Variants in PARD3 observed in about 807,000 individuals in gnomAD.
The protein encoded by PARD3 is partitioning defective 3 homolog.
In PARD3, 75 loss-of-function variants were observed where a neutral mutation model predicts 155.4. The observed-to-expected ratio is 0.48, with a 90% CI of 0.40 to 0.58. PARD3 has a LOEUF of 0.58. Ranked by LOEUF, PARD3 falls within the 20% of genes least tolerant of loss-of-function variation. The pLI is 0.00. For synonymous variants in PARD3, 576 were observed against 610.5 expected, an observed-to-expected ratio of 0.94 and a Z score of 0.83; for missense variants, 1,642 against 1,721.7, an observed-to-expected ratio of 0.95 and a Z score of 0.82.
chr10:34,648,761 T>G (rs1321889858), intron 2 of PARD3, among the ~76,000 whole-genome samples: 1 of 152,188 alleles, frequency 6.6e-6, no homozygotes, highest in African/African-American at 2.4e-5. Context: ...GGACCCCTGA[T>G]ATAAACAATA....
intron 1 of PARD3, among the ~76,000 whole-genome samples, chr10:34,760,141 G>A (rs1837253763): frequency 6.6e-6 from 1 of 152,140 alleles, no homozygotes; most frequent in Non-Finnish European, 1.5e-5. Context: ...TTATGTCTCT[G>A]TGTAAACCCC....
At chr10:34,805,002 G>C (rs1843190539) in intron 1 of PARD3, among the ~76,000 whole-genome samples, 1 of 152,168 alleles carries the variant, frequency 6.6e-6, no homozygotes, top group Non-Finnish European at 1.5e-5. Context: ...GAGGCTTTTT[G>C]AAATATATAA....
intron 20 of PARD3, among the ~76,000 whole-genome samples, chr10:34,309,763 C>CG (rs1554827562): frequency 4.8e-5 from 6 of 125,112 alleles, no homozygotes; most frequent in African/African-American, 8.9e-5. Flanking sequence ...CCCCCGCCCC[C>CG]CCAAGAAGAA....
chr10:34,235,520 T>C (rs560652653), intron 22 of PARD3, among the ~76,000 whole-genome samples: 1 of 152,254 alleles, frequency 6.6e-6, no homozygotes, highest in Non-Finnish European at 1.5e-5. Context: ...AATTGGTGGC[T>C]ATTTGTGGAT....
chr10:34,814,250 C>T (rs1036919672), intron 1 of PARD3, among the ~76,000 whole-genome samples: 1 of 152,184 alleles, frequency 6.6e-6, no homozygotes, highest in African/African-American at 2.4e-5. Flanking sequence ...CCTCCCCGAC[C>T]CCAAGCCGGC....
chr10:34,690,492 A>G (rs955389721), intron 2 of PARD3, among the ~76,000 whole-genome samples: 2 of 152,190 alleles, frequency 1.3e-5, no homozygotes, highest in African/African-American at 4.8e-5. Context: ...TTGGTACTGC[A>G]TAACCCTTCA....
At chr10:34,792,510 AAAGATTAAAAACAC>A (rs1174713721) in intron 1 of PARD3, among the ~76,000 whole-genome samples, 1 of 152,234 alleles carries the variant, frequency 6.6e-6, no homozygotes, top group Non-Finnish European at 1.5e-5. Context: ...TTTAATTATA[AAAGATTAAAAACAC>A]CCAGAGTCAC....
intron 23 of PARD3, among the ~76,000 whole-genome samples, chr10:34,130,455 A>G (rs1947547671): frequency 6.6e-6 from 1 of 152,200 alleles, no homozygotes. Context: ...TCAAATTACC[A>G]TGCTGCCTGG....
intron 1 of PARD3, among the ~76,000 whole-genome samples, chr10:34,709,509 C>T (rs1014639996): frequency 3.3e-5 from 5 of 152,168 alleles, no homozygotes; most frequent in African/African-American, 9.7e-5. Context: ...GGAACTGGTA[C>T]AAAGATTTGT....
intron 14 of PARD3, among the ~76,000 whole-genome samples, chr10:34,353,151 C>T (rs61842493): frequency 0.016 from 2,462 of 152,198 alleles, 25 homozygotes; most frequent in Non-Finnish European, 0.024. Flanking sequence ...CCCGCCCGGC[C>T]AGCCGCCCCG....
chr10:34,508,126 C>G (rs910605340), intron 3 of PARD3, among the ~76,000 whole-genome samples: 1 of 152,004 alleles, frequency 6.6e-6, no homozygotes, highest in African/African-American at 2.4e-5. Flanking sequence ...TACAAGCTTT[C>G]TATAACAATT....
intron 2 of PARD3, among the ~76,000 whole-genome samples, chr10:34,526,273 G>A (rs2082476569): frequency 6.6e-6 from 1 of 151,954 alleles, no homozygotes; most frequent in African/African-American, 2.4e-5. Flanking sequence ...GCAAGCAACT[G>A]GGGGTGAAAT....
intron 2 of PARD3, among the ~76,000 whole-genome samples, chr10:34,621,146 T>A (rs2091645578): frequency 6.6e-6 from 1 of 152,226 alleles, no homozygotes; most frequent in Non-Finnish European, 1.5e-5. Context: ...GCAGGACACA[T>A]GAAAGAATCA....
intron 1 of PARD3, among the ~76,000 whole-genome samples, chr10:34,734,529 G>A (rs1371351782): frequency 2.0e-5 from 3 of 151,664 alleles, no homozygotes; most frequent in African/African-American, 4.8e-5. Flanking sequence ...TAGTAGAGAC[G>A]GGGTTTCACT....
At chr10:34,498,278 G>A (rs1017855452) in intron 3 of PARD3, among the ~76,000 whole-genome samples, 1 of 152,106 alleles carries the variant, frequency 6.6e-6, no homozygotes, top group Non-Finnish European at 1.5e-5. Context: ...AAAGTCTGAG[G>A]GAGATGCATA....
intron 20 of PARD3, among the ~76,000 whole-genome samples, chr10:34,294,480 T>G (rs2133984810): frequency 6.6e-6 from 1 of 152,352 alleles, no homozygotes; most frequent in Admixed American, 6.5e-5. Context: ...AGATTAAAGC[T>G]TCCCTAAAGA....
intron 12 of PARD3, among the ~76,000 whole-genome samples, chr10:34,366,300 T>C (rs1839960940): frequency 6.6e-6 from 1 of 152,230 alleles, no homozygotes; most frequent in Admixed American, 6.5e-5. Context: ...GTGTTAATTA[T>C]TTTGCCCAAC....
chr10:34,326,125 T>TAAAAA (rs979390862), intron 19 of PARD3, among the ~76,000 whole-genome samples: 3 of 108,882 alleles, frequency 2.8e-5, no homozygotes, highest in Admixed American at 9.7e-5. Flanking sequence ...ACACTCTTTC[T>TAAAAA]AAAAAAAAAA....
intron 6 of PARD3, among the ~76,000 whole-genome samples, 171 bp downstream of exon 6, chr10:34,401,655 T>C (rs946071586): frequency 1.1e-4 from 17 of 152,186 alleles, no homozygotes; most frequent in Non-Finnish European, 2.2e-4. Context: ...CTGCTTACAT[T>C]ACATAATTAA....
Sources: gnomAD v4.1 joint callset for allele counts (sites outside exome capture counted in the v4.1 genomes callset) on GRCh38, gnomAD v4.1.1 for gene constraint, MANE v1.5 for transcripts, NCBI Gene and HGNC (gene_info 2026-07-23, HGNC 2026-07-21) for gene names.